The following ARK2N variants were observed in gnomAD, a reference collection of about 807,000 sequenced individuals.
ARK2N encodes arkadia (RNF111) N-terminal like PKA signaling regulator 2N, also known as protein ARK2N.
At chr18:46,248,545 T>C in the ARK2N span, among the ~76,000 whole-genome samples, 58 of 152,290 alleles carry the variant, frequency 3.8e-4, 1 homozygote, top group African/African-American at 1.3e-3. Context: ...TTTTTCCTTT[T>C]CCACGTAGGC....
chr18:46,243,114 G>A, the ARK2N span, among the ~76,000 whole-genome samples: 1 of 151,964 alleles, frequency 6.6e-6, no homozygotes, highest in African/African-American at 2.4e-5. Context: ...TGACAATACT[G>A]GTATGTGGGT....
chr18:46,214,124 A>G, the ARK2N span, among the ~76,000 whole-genome samples: 1 of 152,230 alleles, frequency 6.6e-6, no homozygotes, highest in Non-Finnish European at 1.5e-5. Context: ...GAAAAACAAC[A>G]GGCATATAGA....
At chr18:46,180,168 G>T in the ARK2N span, among the ~76,000 whole-genome samples, 6 of 152,108 alleles carry the variant, frequency 3.9e-5, no homozygotes, top group Admixed American at 6.6e-5. Flanking sequence ...CAAAATAAGG[G>T]ACCTCATTCC....
the ARK2N span, among the ~76,000 whole-genome samples, chr18:46,250,516 A>ACACACACACACACACACACACACACT: frequency 1.3e-5 from 2 of 151,356 alleles, no homozygotes; most frequent in African/African-American, 4.9e-5. Context: ...ACACACACAC[A>ACACACACACACACACACACACACACT]GTATTTTCCA....
chr18:46,247,808 A>G, the ARK2N span, among the ~76,000 whole-genome samples: 1 of 152,162 alleles, frequency 6.6e-6, no homozygotes, highest in Admixed American at 6.5e-5. Context: ...AGTAGCTGGG[A>G]CTACAGGGGC....
the ARK2N span, among the ~76,000 whole-genome samples, chr18:46,196,034 G>A: frequency 1.9e-3 from 287 of 151,614 alleles, 2 homozygotes; most frequent in Middle Eastern, 0.02. Context: ...AGGCTGGAGT[G>A]CAGTGGTGCG....
At chr18:46,209,594 T>C in the ARK2N span, among the ~76,000 whole-genome samples, 1 of 152,118 alleles carries the variant, frequency 6.6e-6, no homozygotes, top group Non-Finnish European at 1.5e-5. Context: ...AACCTGTTTT[T>C]TGTTTTGTTT....
chr18:46,265,738 A>G, the ARK2N span: 1 of 152,640 alleles, frequency 6.6e-6, no homozygotes, highest in East Asian at 1.9e-4. Context: ...TATTAATGAT[A>G]CAATTCCGTG....
At chr18:46,205,820 G>A in the ARK2N span, among the ~76,000 whole-genome samples, 1 of 152,102 alleles carries the variant, frequency 6.6e-6, no homozygotes, top group African/African-American at 2.4e-5. Flanking sequence ...TGACCCCGTG[G>A]GCTCACACCA....
the ARK2N span, among the ~76,000 whole-genome samples, chr18:46,191,679 C>T: frequency 3.3e-5 from 5 of 152,082 alleles, no homozygotes; most frequent in Non-Finnish European, 7.3e-5. Context: ...CCTTCTCACC[C>T]AAAGTTCATA....
the ARK2N span, chr18:46,253,579 C>A: frequency 7.7e-7 from 1 of 1,299,680 alleles, no homozygotes; most frequent in Non-Finnish European, 1.1e-6. Flanking sequence ...CAAGCTCTCA[C>A]AGGGTGATTC....
chr18:46,188,926 A>C, the ARK2N span, among the ~76,000 whole-genome samples: 1 of 152,040 alleles, frequency 6.6e-6, no homozygotes, highest in Non-Finnish European at 1.5e-5. Context: ...AAAAAAATCA[A>C]AGTTGACCGG....
At chr18:46,244,181 A>T in the ARK2N span, among the ~76,000 whole-genome samples, 4 of 152,166 alleles carry the variant, frequency 2.6e-5, no homozygotes, top group African/African-American at 9.7e-5. Context: ...CTGTATTAAT[A>T]TATCTGAAAA....
chr18:46,229,565 C>T, the ARK2N span, among the ~76,000 whole-genome samples: 1 of 151,482 alleles, frequency 6.6e-6, no homozygotes, highest in Non-Finnish European at 1.5e-5. Context: ...AGGATGGTCT[C>T]GATCTCCTGA....
At chr18:46,207,745 A>T in the ARK2N span, among the ~76,000 whole-genome samples, 6 of 152,160 alleles carry the variant, frequency 3.9e-5, no homozygotes, top group Non-Finnish European at 7.3e-5. Context: ...TTTCAGTAGC[A>T]TTGTTTTAGA....
chr18:46,234,618 G>A, the ARK2N span, among the ~76,000 whole-genome samples: 1 of 151,634 alleles, frequency 6.6e-6, no homozygotes, highest in Admixed American at 6.6e-5. Context: ...TAGCTCTTGA[G>A]GTTTGCCTCT....
chr18:46,187,922 G>T, the ARK2N span, among the ~76,000 whole-genome samples: 2 of 152,090 alleles, frequency 1.3e-5, no homozygotes, highest in African/African-American at 4.8e-5. Flanking sequence ...ACTGCTATGA[G>T]GCTAAACTGG....
the ARK2N span, among the ~76,000 whole-genome samples, chr18:46,214,770 A>G: frequency 1.3e-5 from 2 of 152,182 alleles, no homozygotes; most frequent in African/African-American, 4.8e-5. Context: ...AGAATATACT[A>G]GGCTTTCTGG....
the ARK2N span, among the ~76,000 whole-genome samples, chr18:46,259,250 T>C: frequency 6.6e-6 from 1 of 150,878 alleles, no homozygotes; most frequent in African/African-American, 2.4e-5. Flanking sequence ...TTTCTTTTTT[T>C]TTTTTTTTTT....
Sources: allele counts gnomAD v4.1 joint callset (sites outside exome capture counted in the v4.1 genomes callset), GRCh38; gene constraint gnomAD v4.1.1; transcripts MANE v1.5; gene names NCBI Gene and HGNC (gene_info 2026-07-23, HGNC 2026-07-21).